The following CHD7 variants were observed in gnomAD, a reference collection of about 807,000 sequenced individuals.
CHD7 encodes the protein chromodomain helicase DNA binding protein 7.
Under a neutral mutation model 307.3 loss-of-function variants are expected in CHD7, and 24 were observed. The observed-to-expected ratio is 0.08, with a 90% CI of 0.06 to 0.11. CHD7 has a LOEUF of 0.11. CHD7 is among the 10% of genes least tolerant of loss of function. CHD7 has a pLI of 1.00. For synonymous variants in CHD7, 1,363 were observed against 1,349.9 expected, an observed-to-expected ratio of 1.01 and a Z score of -0.21; for missense variants, 3,106 against 3,727.1, an observed-to-expected ratio of 0.83 and a Z score of 4.34.
At chr8:60,806,362 C>CA (rs1002278780) in intron 6 of CHD7, among the ~76,000 whole-genome samples, 32 of 148,446 alleles carry the variant, frequency 2.2e-4, no homozygotes, top group African/African-American at 3.0e-4. Flanking sequence ...GACTCCGTCT[C>CA]AAAAAAAAAG....
At chr8:60,762,348 C>T (rs1463408050) in intron 2 of CHD7, among the ~76,000 whole-genome samples, 2 of 152,176 alleles carry the variant, frequency 1.3e-5, no homozygotes, top group Non-Finnish European at 2.9e-5. Context: ...TGGGCTTCTC[C>T]TCCACACCAG....
At chr8:60,840,961 A>G (rs916560025) in intron 19 of CHD7, among the ~76,000 whole-genome samples, 2 of 151,862 alleles carry the variant, frequency 1.3e-5, no homozygotes, top group Admixed American at 1.3e-4. Context: ...CCATTTTGTT[A>G]TTTCTTCTGT....
chr8:60,820,095 C>T lies in CHD7; in HGVS notation c.2697+5C>T. ...AGCACAGATGACCGGGGAGAGGTAA[C>T]AGGAGATCATTTGTATTACAAAGTG... is the stretch of plus-strand genomic sequence containing the variant. On this transcript the variant is annotated splice_donor_5th_base_variant and intron_variant, in intron 9 of 37. Transcript: ENST00000423902. The T allele has an allele frequency of 6.3e-7, 1 of 1,588,726 alleles. No homozygotes were observed. Among genetic ancestry groups the T allele is most frequent in the South Asian group, 1.1e-5 (1 of 88,524 alleles).
At chr8:60,782,466 G>A (rs1026343942) in intron 3 of CHD7, among the ~76,000 whole-genome samples, 10 of 152,170 alleles carry the variant, frequency 6.6e-5, no homozygotes, top group Admixed American at 5.2e-4. Flanking sequence ...GCAACTTCCT[G>A]CTAAAAATAA....
chr8:60,833,571 A>G (rs529650452), intron 15 of CHD7, among the ~76,000 whole-genome samples: 171 of 152,320 alleles, frequency 1.1e-3, no homozygotes, highest in Middle Eastern at 0.01. Flanking sequence ...TGGCTTTTAT[A>G]TAGCTAGAGG....
Position 60,742,210 on chromosome 8 carries a change from C to T in CHD7, c.778C>T (p.Pro260Ser), listed in dbSNP as rs766382878. Residue 260 changes from proline to serine, a missense_variant, in exon 2 of 38, where the codon CCC (proline) becomes TCC (serine). By Grantham distance (74) the Pro-to-Ser change is moderately conservative. This residue lies in a region of CHD7 where 998 missense variants were observed against 1,004.5 expected (regional missense o/e 0.99). Transcript: ENST00000423902. ...CTCGGTGCAGCAGTTCCATCACCACCCCTCTACTGCTCTCCATGGAGAATC... is the reference window on the plus strand; with the variant it reads ...CTCGGTGCAGCAGTTCCATCACCACTCCTCTACTGCTCTCCATGGAGAATC... ...RHSVQQFHHH[P>S]STALHGESVA... 27 of 1,613,778 alleles carry T rather than the reference C, an allele frequency of 1.7e-5. No individual in the cohort carries two copies. The highest frequency in any genetic ancestry group is 2.2e-5 in the Non-Finnish European group (26 of 1,179,878).
chr8:60,829,329 G>A (rs1246134198), intron 14 of CHD7, among the ~76,000 whole-genome samples: 2 of 152,240 alleles, frequency 1.3e-5, no homozygotes, highest in Non-Finnish European at 2.9e-5. Context: ...GCCAGGCGCG[G>A]TGGCTTACGC....
chr8:60,839,106 T>C (rs1459784484), intron 19 of CHD7, among the ~76,000 whole-genome samples: 1 of 152,214 alleles, frequency 6.6e-6, no homozygotes, highest in Admixed American at 6.5e-5. Flanking sequence ...CAGTCTGCCA[T>C]ATCTGGAAAG....
In CHD7 at chr8:60,795,086, C is replaced by T; in HGVS notation, c.2197C>T (p.Pro733Ser). The change falls in exon 4 of 38, where the codon CCA (proline) becomes TCA (serine). Residue 733 changes from proline (P) to serine (S), a missense_variant. Pro to Ser is a moderately conservative substitution (Grantham distance 74). Around this residue, in one of 10 missense-constraint regions of CHD7, gnomAD observed 998 missense variants for 1,004.5 expected, o/e 0.99. Coordinates refer to ENST00000423902, the MANE Select transcript of CHD7 (RefSeq NM_017780.4). ...TTCAGACTTAGACAAAACACCCCCA[C>T]CATCTCCTCCTCCTGAAGAAGATGA... ...ENSDLDKTPPPSPPPEEDEDP... is the reference protein window; with the variant it reads ...ENSDLDKTPPSSPPPEEDEDP... 6.2e-7 allele frequency: 1 copy of T among 1,613,846 alleles called. No individual in the cohort carries two copies. Among genetic ancestry groups the T allele is most frequent in the Non-Finnish European group, 8.5e-7 (1 of 1,179,768 alleles).
rs2150800663 is a variant in CHD7 at position 60,848,610 on chromosome 8, T to C, written c.5300+6T>C. ...TTAGAGGGTGCTGACTCAAGGTTAG[T>C]GCGAGCTCACATTTGTTCTCAACCT... On this transcript the variant is annotated splice_donor_region_variant and intron_variant, in intron 24 of 37. Transcript: ENST00000423902. 4.4e-6 allele frequency: 7 copies of C among 1,608,584 alleles called. No individual in the cohort carries two copies. The highest frequency in any genetic ancestry group is 6.0e-6 in the Non-Finnish European group (7 of 1,175,644).
intron 1 of CHD7, among the ~76,000 whole-genome samples, chr8:60,727,157 TTCTC>T (rs1192820655): frequency 6.6e-5 from 10 of 152,132 alleles, no homozygotes; most frequent in Non-Finnish European, 1.0e-4. Flanking sequence ...GACAGGGTCT[TTCTC>T]TGTTGCCCAG....
rs758410916 is a variant in CHD7, at chr8:60,838,064, T to G, written c.4354-12T>G. On this transcript the variant is annotated splice_polypyrimidine_tract_variant and intron_variant, in intron 18 of 37. Transcript: ENST00000423902. ...AATTATTTTGAGTATTTTAAATATT[T>G]CTCTAAAACAGGTACAACAGCTTTC... 2.6e-5 allele frequency: 38 copies of G among 1,466,012 alleles called. No homozygotes were observed. The highest frequency in any genetic ancestry group is 3.3e-5 in the Non-Finnish European group (37 of 1,105,566). 90.8% of individuals were successfully genotyped at this position (1,466,012 alleles called of 1,614,324 possible). A position where few individuals can be genotyped will look rare whatever the true frequency, so the allele number is the denominator to read the frequency against.
At chr8:60,802,981 A>AC (rs1198346931) in intron 6 of CHD7, among the ~76,000 whole-genome samples, 3 of 152,212 alleles carry the variant, frequency 2.0e-5, no homozygotes, top group Non-Finnish European at 4.4e-5. Flanking sequence ...TATAGGGGAT[A>AC]CGGGGTATGG....
chr8:60,791,123 C>T (rs939694236), intron 3 of CHD7, among the ~76,000 whole-genome samples: 5 of 152,132 alleles, frequency 3.3e-5, no homozygotes, highest in African/African-American at 1.2e-4. Flanking sequence ...GATTTGCCTT[C>T]CAGCTGGTTA....
At chr8:60,762,590 G>T (rs926293992) in intron 2 of CHD7, among the ~76,000 whole-genome samples, 1 of 152,172 alleles carries the variant, frequency 6.6e-6, no homozygotes, top group Non-Finnish European at 1.5e-5. Context: ...CATGTACTGT[G>T]CTTAGAATTG....
chr8:60,863,375 C>G (rs1352686217), intron 37 of CHD7: 3 of 152,272 alleles, frequency 2.0e-5, no homozygotes, highest in Admixed American at 2.0e-4. Context: ...TATGGAAGGT[C>G]ATCGATGGTC....
chr8:60,723,884 C>T (rs1436125988), intron 1 of CHD7, among the ~76,000 whole-genome samples: 2 of 152,172 alleles, frequency 1.3e-5, no homozygotes, highest in Non-Finnish European at 2.9e-5. Flanking sequence ...AAATTGTGGA[C>T]ACATTTTTTA....
intron 1 of CHD7, chr8:60,679,588 G>T: frequency 6.7e-6 from 1 of 148,332 alleles, no homozygotes; most frequent in South Asian, 1.8e-4. Context: ...AAGTGCGAGC[G>T]GGCGATGGGC....
chr8:60,679,946 C>T (rs1805504865), intron 1 of CHD7, among the ~76,000 whole-genome samples: 1 of 151,870 alleles, frequency 6.6e-6, no homozygotes, highest in Non-Finnish European at 1.5e-5. Flanking sequence ...CCCGGCGGCT[C>T]CCAAGTGCGC....
Sources: allele counts gnomAD v4.1 joint callset (sites outside exome capture counted in the v4.1 genomes callset), GRCh38; gene constraint gnomAD v4.1.1; regional missense constraint gnomAD v4.1.1; transcripts MANE v1.5; gene names NCBI Gene and HGNC (gene_info 2026-07-23, HGNC 2026-07-21).